The following EFCAB11 variants were observed in gnomAD, a reference collection of about 807,000 sequenced individuals.
The protein encoded by EFCAB11 is EF-hand calcium-binding domain-containing protein 11.
EFCAB11 carries 14 observed loss-of-function variants against 23.0 expected under a neutral mutation model. That is an observed-to-expected ratio of 0.61 (90% confidence interval 0.40 to 0.95). EFCAB11 has a LOEUF of 0.95. Among genes scored for constraint, EFCAB11 ranks in the 40% least tolerant of loss-of-function variants. EFCAB11 has a pLI of 0.00. For synonymous variants in EFCAB11, 65 were observed against 66.6 expected (o/e 0.98, Z 0.11); for missense variants, 198 against 195.8 (o/e 1.01, Z -0.07).
At chr14:89,921,383 A>C (rs1890018871) in intron 5 of EFCAB11, among the ~76,000 whole-genome samples, 1 of 152,220 alleles carries the variant, frequency 6.6e-6, no homozygotes, top group African/African-American at 2.4e-5. Context: ...GGTAGGGAAT[A>C]AAAAGCTATT....
chr14:89,924,438 T>C, intron 5 of EFCAB11: 1 of 1,355,702 alleles, frequency 7.4e-7, no homozygotes, highest in African/African-American at 1.5e-5. Flanking sequence ...ATCTCATGAC[T>C]GGGAAGCAAA....
At chr14:89,906,186 A>G (rs1310981610) in intron 5 of EFCAB11, among the ~76,000 whole-genome samples, 1 of 149,696 alleles carries the variant, frequency 6.7e-6, no homozygotes, top group Non-Finnish European at 1.5e-5. Flanking sequence ...TAAATAAATA[A>G]ATAAATAAAT....
chr14:89,892,247 G>A, intron 5 of EFCAB11: 3 of 1,612,126 alleles, frequency 1.9e-6, no homozygotes, highest in Non-Finnish European at 2.5e-6. Context: ...CCTGGGCATG[G>A]CCTTCGTGGA....
intron 5 of EFCAB11, among the ~76,000 whole-genome samples, chr14:89,868,784 T>C (rs1239013164): frequency 1.3e-5 from 2 of 152,252 alleles, no homozygotes; most frequent in Non-Finnish European, 2.9e-5. Flanking sequence ...CATTAAGTGC[T>C]GTGACTTCCC....
intron 5 of EFCAB11, among the ~76,000 whole-genome samples, chr14:89,805,996 G>A (rs1014998762): frequency 3.9e-5 from 6 of 152,190 alleles, no homozygotes; most frequent in Non-Finnish European, 8.8e-5. Context: ...AATCTAAAGA[G>A]TAACTTGCTT....
intron 5 of EFCAB11, among the ~76,000 whole-genome samples, chr14:89,834,665 T>C (rs1887012733): frequency 2.0e-5 from 3 of 152,172 alleles, no homozygotes; most frequent in Non-Finnish European, 4.4e-5. Context: ...GAGTGCCCAA[T>C]ACTGCAAGGA....
chr14:89,889,963 C>T (rs777352595), intron 5 of EFCAB11, among the ~76,000 whole-genome samples: 9 of 152,160 alleles, frequency 5.9e-5, no homozygotes, highest in African/African-American at 9.7e-5. Context: ...GCCATGAATA[C>T]GACTGTAGGC....
intron 1 of EFCAB11, 101 bp from the exon 2 acceptor site, chr14:89,954,102 C>T (rs1891322100): frequency 9.7e-7 from 1 of 1,027,348 alleles, no homozygotes; most frequent in South Asian, 1.5e-5. Context: ...AAACTTGGCC[C>T]AGCGGTAGAG....
chr14:89,866,494 C>A (rs1321464297), intron 5 of EFCAB11, among the ~76,000 whole-genome samples: 4 of 152,248 alleles, frequency 2.6e-5, no homozygotes, highest in African/African-American at 9.6e-5. Flanking sequence ...CCAGCACCTG[C>A]AGGTTCTCCC....
chr14:89,884,938 G>A (rs180741177), intron 5 of EFCAB11, among the ~76,000 whole-genome samples: 1 of 152,338 alleles, frequency 6.6e-6, no homozygotes, highest in Non-Finnish European at 1.5e-5. Flanking sequence ...GCAGCCATCT[G>A]CAAGCCAGGA....
intron 5 of EFCAB11, among the ~76,000 whole-genome samples, chr14:89,898,530 A>AATTTTTGT (rs1362335142): frequency 1.8e-4 from 27 of 151,978 alleles, no homozygotes; most frequent in African/African-American, 6.5e-4. Flanking sequence ...ATGTGTGGCT[A>AATTTTTGT]ATTTTTGTAT....
chr14:89,892,523 G>T, intron 5 of EFCAB11: 1 of 1,132,196 alleles, frequency 8.8e-7, no homozygotes, highest in Non-Finnish European at 1.2e-6. Context: ...CTCTCTGGAG[G>T]ACAAATGACA....
intron 5 of EFCAB11, among the ~76,000 whole-genome samples, chr14:89,910,598 AATACATACATACATACATACATACATAC>A (rs34931708): frequency 0.13 from 19,254 of 147,594 alleles, 3,468 homozygotes; most frequent in African/African-American, 0.41. Context: ...ATCTGTCTCA[AATACATACATACATACATACATACATAC>A]ATACATACAT....
intron 5 of EFCAB11, among the ~76,000 whole-genome samples, chr14:89,826,705 AT>A (rs34194569): frequency 0.036 from 5,350 of 150,230 alleles, 145 homozygotes; most frequent in Non-Finnish European, 0.051. Context: ...TGAGCTTGTC[AT>A]TTTTTTTTTC....
intron 5 of EFCAB11, among the ~76,000 whole-genome samples, chr14:89,809,570 A>G (rs1467196603): frequency 6.6e-6 from 1 of 152,226 alleles, no homozygotes; most frequent in Non-Finnish European, 1.5e-5. Context: ...TTCTAGTAAC[A>G]ACTCAAAGAG....
At chr14:89,887,285 C>T (rs1277181301) in intron 5 of EFCAB11, among the ~76,000 whole-genome samples, 2 of 152,110 alleles carry the variant, frequency 1.3e-5, no homozygotes, top group African/African-American at 2.4e-5. Flanking sequence ...ATAGGAAAGG[C>T]CTCTCTGATG....
At chr14:89,806,270 A>G (rs544546514) in intron 5 of EFCAB11, among the ~76,000 whole-genome samples, 1 of 152,224 alleles carries the variant, frequency 6.6e-6, no homozygotes, top group Admixed American at 6.5e-5. Flanking sequence ...AAGGAAGAAA[A>G]TATAATTTCA....
At chr14:89,843,248 C>T (rs1323492469) in intron 5 of EFCAB11, among the ~76,000 whole-genome samples, 2 of 152,086 alleles carry the variant, frequency 1.3e-5, no homozygotes, top group Non-Finnish European at 1.5e-5. Flanking sequence ...ACAATATTTA[C>T]TATACTAGAA....
chr14:89,838,582 A>G (rs1394673845), intron 5 of EFCAB11, among the ~76,000 whole-genome samples: 1 of 152,222 alleles, frequency 6.6e-6, no homozygotes, highest in East Asian at 1.9e-4. Context: ...TTAAGGGAGA[A>G]AAACAATAAC....
Sources: allele counts gnomAD v4.1 joint callset (sites outside exome capture counted in the v4.1 genomes callset), GRCh38; gene constraint gnomAD v4.1.1; transcripts MANE v1.5; gene names NCBI Gene and HGNC (gene_info 2026-07-23, HGNC 2026-07-21).